The following PPIG variants were observed in gnomAD, a reference collection of about 807,000 sequenced individuals.
PPIG encodes the protein peptidyl-prolyl cis-trans isomerase G.
In PPIG, 26 loss-of-function variants were observed where a neutral mutation model predicts 87.9. The observed-to-expected ratio is 0.30, with a 90% CI of 0.22 to 0.41. The LOEUF (loss-of-function observed/expected upper bound fraction) is 0.41, where lower values mean the gene tolerates loss of function less well. PPIG is among the 10% of genes least tolerant of loss of function. PPIG has a pLI of 1.00. For synonymous variants in PPIG, 308 were observed against 276.5 expected (o/e 1.11, Z -1.13); for missense variants, 722 against 879.4 (o/e 0.82, Z 2.26).
Position 169,638,641 on chromosome 2 carries a change from A to C in PPIG, c.*1118A>C, listed in dbSNP as rs1261314042. The C allele has an allele frequency of 5.3e-5, 8 of 152,154 alleles. No homozygotes were observed. The East Asian group carries it at 1.5e-3, about 29-fold the overall frequency. The allele number at this position is 152,154 out of a possible 1,614,324, so 9.4% of individuals were successfully genotyped here. A position where few individuals can be genotyped will look rare whatever the true frequency, so the allele number is the denominator to read the frequency against. On this transcript the variant is annotated 3_prime_UTR_variant, in exon 14 of 14. Transcript: ENST00000260970. ...GGTTTCTTTCTCTTCAGGTGGTTTT[A>C]TACCATTACTGTTAATGTTATTTTA...
intron 5 of PPIG, 89 bp from the exon 6 acceptor site, chr2:169,607,015 C>G: frequency 1.2e-6 from 1 of 824,404 alleles, no homozygotes; most frequent in Non-Finnish European, 1.9e-6. Context: ...CAAAATTATT[C>G]AAAAATCTAC....
intron 9 of PPIG, among the ~76,000 whole-genome samples, chr2:169,618,400 A>G (rs757592529): frequency 6.8e-4 from 103 of 151,788 alleles, no homozygotes; most frequent in Admixed American, 3.9e-3. Flanking sequence ...CCCTTTTTCT[A>G]TTGTTTGGAA....
chr2:169,633,261 T>A lies in PPIG; in HGVS notation c.1017+14T>A, dbSNP rs1686103994. On this transcript the variant is annotated intron_variant, in intron 12 of 13. Coordinates refer to ENST00000260970, the MANE Select transcript of PPIG (RefSeq NM_004792.3). ...AGAGGACCAAGGGTAGGTGATTCTT[T>A]CCCCAGAGATCTTCACAATATTGCA... 12 of 1,513,056 alleles carry A rather than the reference T, an allele frequency of 7.9e-6. No homozygotes were observed. The highest frequency in any genetic ancestry group is 1.1e-5 in the South Asian group (1 of 88,272). The allele number at this position is 1,513,056 out of a possible 1,614,324, so 93.7% of individuals were successfully genotyped here.
chr2:169,631,433 A>G lies in PPIG; in HGVS notation c.762-333A>G, dbSNP rs535324424. 109 of 438,966 alleles carry G rather than the reference A, an allele frequency of 2.5e-4. 1 individual carries two copies. Among genetic ancestry groups the G allele is most frequent in the South Asian group, 6.0e-4 (16 of 26,576 alleles). The allele number at this position is 438,966 out of a possible 1,614,324, so 27.2% of individuals were successfully genotyped here. ...TACTAAAACTTGTCTTCATCTGCCT[A>G]TGGCTCAAATGCAGTTAATTTCTTT... On this transcript the variant is annotated intron_variant, in intron 10 of 13. Transcript: ENST00000260970.
At position 169,630,910 on chromosome 2, in the gene PPIG, G is replaced by C. The variant is rs1686030233; in HGVS notation, c.684G>C (p.Lys228Asn). Reference protein sequence around the residue: ...DSESATEEKSKKRKKKHRKNS... With the variant: ...DSESATEEKSNKRKKKHRKNS... ...AAAGTGCTACTGAAGAGAAATCAAA[G>C]AAAAGAAAAAAGAAACATCGGAAAA... is the stretch of plus-strand genomic sequence containing the variant. The change falls in exon 10 of 14, where the codon AAG becomes AAC. Residue 228 changes from lysine to asparagine, a missense_variant. Physicochemically the swap from Lys to Asn is moderately conservative, Grantham distance 94. This residue lies in a region of PPIG where 142 missense variants were observed against 152.8 expected (regional missense o/e 0.93). Coordinates refer to ENST00000260970, the MANE Select transcript of PPIG (RefSeq NM_004792.3). The C allele has an allele frequency of 6.3e-7, 1 of 1,597,978 alleles. No homozygotes were observed. The highest frequency in any genetic ancestry group is 1.2e-5 in the South Asian group (1 of 86,914).
intron 6 of PPIG, among the ~76,000 whole-genome samples, chr2:169,607,663 G>A (rs774908906): frequency 6.6e-6 from 1 of 152,100 alleles, no homozygotes; most frequent in African/African-American, 2.4e-5. Context: ...CTTCACTTTT[G>A]ACATTTAGTG....
chr2:169,624,493 T>C (rs1052739182), intron 9 of PPIG, among the ~76,000 whole-genome samples: 1 of 152,232 alleles, frequency 6.6e-6, no homozygotes, highest in African/African-American at 2.4e-5. Context: ...TTGTGGTTTT[T>C]GCTTTTAGTG....
chr2:169,595,866 C>T (rs142475173), intron 1 of PPIG, among the ~76,000 whole-genome samples: 2,126 of 152,182 alleles, frequency 0.014, 16 homozygotes, highest in Non-Finnish European at 0.02. Context: ...TGCAGTGGCG[C>T]GATCTTGGCT....
At chr2:169,596,753 G>A (rs1685029031) in intron 1 of PPIG, among the ~76,000 whole-genome samples, 1 of 152,110 alleles carries the variant, frequency 6.6e-6, no homozygotes. Context: ...GGGCTGGAGT[G>A]TTGTGGCGCA....
chr2:169,626,356 ATAAAT>A (rs1418717582), intron 9 of PPIG, among the ~76,000 whole-genome samples: 1 of 152,144 alleles, frequency 6.6e-6, no homozygotes, highest in African/African-American at 2.4e-5. Flanking sequence ...AAAAAGGAAC[ATAAAT>A]TAAATTTGCC....
In PPIG at chr2:169,636,514, A is replaced by G. The variant is rs770520158; in HGVS notation, c.1256A>G (p.Lys419Arg). 1.9e-6 allele frequency: 3 copies of G among 1,610,204 alleles called. No homozygotes were observed. Among genetic ancestry groups the G allele is most frequent in the Non-Finnish European group, 2.5e-6 (3 of 1,178,914 alleles). Residue 419 changes from lysine to arginine, a missense_variant, in exon 14 of 14, where the codon AAA becomes AGA. By Grantham distance (26) the Lys-to-Arg change is conservative (BLOSUM62 2). This residue lies in a region of PPIG where 476 missense variants were observed against 483.1 expected (regional missense o/e 0.99). Coordinates refer to ENST00000260970, the MANE Select transcript of PPIG (RefSeq NM_004792.3). ...HRNVSESPNR[K>R]NEKEKKVKDH... ...AATGTATCTGAGAGTCCAAACAGAAAAAATGAAAAGGAGAAGAAAGTTAAA... is the reference window on the plus strand; with the variant it reads ...AATGTATCTGAGAGTCCAAACAGAAGAAATGAAAAGGAGAAGAAAGTTAAA...
At chr2:169,625,105 A>C (rs1685850238) in intron 9 of PPIG, among the ~76,000 whole-genome samples, 1 of 152,196 alleles carries the variant, frequency 6.6e-6, no homozygotes. Flanking sequence ...GAAATTTGAA[A>C]TTTATTATCT....
rs547723440 is a variant in PPIG, at chr2:169,633,915, C to G, written c.1017+668C>G. ...GCATGATCTCGGCTCACTTTAACCT[C>G]TGCCTCCCAGGTTCAAGCAGTCCTG... On this transcript the variant is annotated intron_variant, in intron 12 of 13. Transcript: ENST00000260970. Among the ~76,000 whole-genome samples the G allele has an allele frequency of 4.0e-5, 6 of 151,176 alleles. No individual in the cohort carries two copies. In the South Asian group the frequency reaches 1.1e-3, roughly 27 times the overall value.
intron 1 of PPIG, 192 bp downstream of exon 1, chr2:169,584,682 C>T (rs1574428644): frequency 5.8e-6 from 2 of 342,898 alleles, no homozygotes; most frequent in South Asian, 2.2e-5. Context: ...GTGCCTTTGC[C>T]GCTGTTGCAG....
At chr2:169,595,299 A>G (rs968534255) in intron 1 of PPIG, among the ~76,000 whole-genome samples, 9 of 152,232 alleles carry the variant, frequency 5.9e-5, no homozygotes, top group Non-Finnish European at 8.8e-5. Flanking sequence ...GGTACATAGT[A>G]GGTATATTTA....
intron 9 of PPIG, among the ~76,000 whole-genome samples, chr2:169,627,725 T>TTTTTTAA (rs1491338209): frequency 7.0e-6 from 1 of 142,942 alleles, no homozygotes; most frequent in African/African-American, 2.7e-5. Context: ...TTTTTTTTTT[T>TTTTTTAA]AATTTCAAAC....
At chr2:169,595,233 A>G (rs528027526) in intron 1 of PPIG, among the ~76,000 whole-genome samples, 2 of 152,196 alleles carry the variant, frequency 1.3e-5, no homozygotes, top group African/African-American at 4.8e-5. Flanking sequence ...TCATTTTTAT[A>G]GTAAGTTTTT....
At chr2:169,622,751 C>A (rs1182175003) in intron 9 of PPIG, among the ~76,000 whole-genome samples, 1 of 152,174 alleles carries the variant, frequency 6.6e-6, no homozygotes, top group African/African-American at 2.4e-5. Flanking sequence ...CCTTCAGTTA[C>A]CATTCAGAAC....
chr2:169,604,027 T>G lies in PPIG; in HGVS notation c.-15T>G. 6.2e-7 allele frequency: 1 copy of G among 1,611,730 alleles called. No homozygotes were observed. The highest frequency in any genetic ancestry group is 8.5e-7 in the Non-Finnish European group (1 of 1,178,226). On this transcript the variant is annotated splice_region_variant and 5_prime_UTR_variant, in exon 3 of 14. Coordinates refer to ENST00000260970, the MANE Select transcript of PPIG (RefSeq NM_004792.3). Reference sequence around the variant, plus strand: ...TCTGAAACTGTATTTTACTCACAGATTAAGTATTGGAGCCATGGGAATAAA... The same window carrying G: ...TCTGAAACTGTATTTTACTCACAGAGTAAGTATTGGAGCCATGGGAATAAA...
Sources: allele counts gnomAD v4.1 joint callset (sites outside exome capture counted in the v4.1 genomes callset), GRCh38; gene constraint gnomAD v4.1.1; regional missense constraint gnomAD v4.1.1; transcripts MANE v1.5; gene names NCBI Gene and HGNC (gene_info 2026-07-23, HGNC 2026-07-21).